CAPN14: variants seen among roughly 807,000 people sequenced by gnomAD.
CAPN14 encodes the protein calpain 14.
Under a neutral mutation model 101.3 loss-of-function variants are expected in CAPN14, and 94 were observed. That is an observed-to-expected ratio of 0.93 (90% CI 0.79 to 1.10). The LOEUF (loss-of-function observed/expected upper bound fraction) is 1.10, where lower values mean the gene tolerates loss of function less well. Ranked by LOEUF, CAPN14 falls within the 50% of genes least tolerant of loss-of-function variation. The probability of loss-of-function intolerance (pLI) is 0.00; values close to 1 mark genes in which losing one functional copy is unlikely to be tolerated. For synonymous variants in CAPN14, 338 were observed against 317.9 expected (o/e 1.06, Z -0.67); for missense variants, 837 against 828.4 (o/e 1.01, Z -0.13).
intron 2 of CAPN14, 93 bp downstream of exon 2, chr2:31,205,130 A>G: frequency 9.2e-7 from 1 of 1,085,904 alleles, no homozygotes; most frequent in South Asian, 1.4e-5. Flanking sequence ...AGTAGGAAAA[A>G]GCCTGTTTTT....
chr2:31,188,488 C>A (rs1400455249), intron 13 of CAPN14, 134 bp from the exon 14 acceptor site: 2 of 725,518 alleles, frequency 2.8e-6, no homozygotes, highest in African/African-American at 1.7e-5. Context: ...AGCTCTCACA[C>A]CTCACCTCCT....
At chr2:31,184,560 C>A (rs1205426846) in intron 16 of CAPN14, among the ~76,000 whole-genome samples, 1 of 152,182 alleles carries the variant, frequency 6.6e-6, no homozygotes, top group African/African-American at 2.4e-5. Flanking sequence ...TTCCAGTTTT[C>A]AGTCAACATT....
chr2:31,179,063 TATA>T (rs373382129), intron 17 of CAPN14, among the ~76,000 whole-genome samples: 31,421 of 138,004 alleles, frequency 0.23, 3,839 homozygotes, highest in Admixed American at 0.35. Flanking sequence ...TTGAGTTCTA[TATA>T]TATATATATA....
chr2:31,191,037 G>T (rs1259072750), intron 12 of CAPN14, among the ~76,000 whole-genome samples: 1 of 152,070 alleles, frequency 6.6e-6, no homozygotes, highest in African/African-American at 2.4e-5. Context: ...TTTATTTTGG[G>T]TTTCATAACC....
intron 12 of CAPN14, among the ~76,000 whole-genome samples, chr2:31,189,971 C>T (rs1352870995): frequency 6.9e-6 from 1 of 144,322 alleles, no homozygotes; most frequent in Non-Finnish European, 1.5e-5. Context: ...CCACGACCAC[C>T]TCCCCACCTA....
upstream of CAPN14, among the ~76,000 whole-genome samples, chr2:31,219,690 A>G (rs1283012135): frequency 6.6e-6 from 1 of 152,206 alleles, no homozygotes; most frequent in Non-Finnish European, 1.5e-5. Context: ...ACAGTGGAGT[A>G]TTGGAGAATG....
At chr2:31,179,369 C>T (rs929743375) in intron 17 of CAPN14, among the ~76,000 whole-genome samples, 3 of 152,072 alleles carry the variant, frequency 2.0e-5, no homozygotes, top group African/African-American at 7.2e-5. Flanking sequence ...TGGTTTCAAG[C>T]TGCATCCATG....
chr2:31,201,122 C>CATGTCTGT (rs796965483), intron 5 of CAPN14, among the ~76,000 whole-genome samples: 1 of 149,950 alleles, frequency 6.7e-6, no homozygotes, highest in African/African-American at 2.5e-5. Flanking sequence ...CGTGTGTGTG[C>CATGTCTGT]ATGTGTGTAT....
chr2:31,216,876 T>C (rs1249253178), intron 1 of CAPN14, among the ~76,000 whole-genome samples: 1 of 152,172 alleles, frequency 6.6e-6, no homozygotes, highest in Non-Finnish European at 1.5e-5. Context: ...CAGCTATCAT[T>C]TGAGGCAATA....
In CAPN14 at chr2:31,178,510, C is replaced by G; in HGVS notation, c.1779+1G>C. The G allele has an allele frequency of 6.4e-7, 1 of 1,550,538 alleles. No individual in the cohort carries two copies. The highest frequency in any genetic ancestry group is 8.7e-7 in the Non-Finnish European group (1 of 1,146,130). ...GAGGTGTGGTTAAGACTTGTTCTTACCTGAGAGAGCTTCAGCTGCTTCCAC... is the reference window on the plus strand; with the variant it reads ...GAGGTGTGGTTAAGACTTGTTCTTAGCTGAGAGAGCTTCAGCTGCTTCCAC... On this transcript the variant is annotated splice_donor_variant, in intron 18 of 21. Transcript: ENST00000403897. LOFTEE classifies it high-confidence loss of function.
chr2:31,220,009 C>T (rs6736278), upstream of CAPN14, among the ~76,000 whole-genome samples: 8,121 of 152,294 alleles, frequency 0.053, 236 homozygotes, highest in South Asian at 0.075. Context: ...CTTCCTTTCC[C>T]TCTAATCAAA....
intron 1 of CAPN14, among the ~76,000 whole-genome samples, chr2:31,210,751 T>TATA (rs376623751): frequency 0.043 from 6,486 of 152,268 alleles, 152 homozygotes; most frequent in African/African-American, 0.056. Flanking sequence ...TGAAAGTGAA[T>TATA]ATATTATACA....
At chr2:31,205,793 G>T (rs974668792) in intron 1 of CAPN14, among the ~76,000 whole-genome samples, 1 of 152,174 alleles carries the variant, frequency 6.6e-6, no homozygotes, top group Middle Eastern at 3.4e-3. Flanking sequence ...TGTCACGGGG[G>T]TCCCTTCTGC....
chr2:31,179,220 C>T (rs1008224556), intron 17 of CAPN14, among the ~76,000 whole-genome samples: 3 of 151,754 alleles, frequency 2.0e-5, no homozygotes, highest in Admixed American at 6.6e-5. Flanking sequence ...ATCTTTCCCC[C>T]TGCCCCCCAC....
chr2:31,222,274 G>A (rs573882908), upstream of CAPN14, among the ~76,000 whole-genome samples: 22 of 152,222 alleles, frequency 1.4e-4, no homozygotes, highest in African/African-American at 4.3e-4. Flanking sequence ...GGGCTTTTTC[G>A]AAAGAGGAAG....
intron 1 of CAPN14, among the ~76,000 whole-genome samples, 190 bp downstream of exon 1, chr2:31,217,266 T>A (rs757576332): frequency 4.1e-4 from 63 of 152,252 alleles, no homozygotes; most frequent in Non-Finnish European, 7.8e-4. Flanking sequence ...GTCACACTAA[T>A]AAGTGATGGC....
chr2:31,191,489 T>C, intron 11 of CAPN14, 82 bp from the exon 12 acceptor site: 12 of 1,412,644 alleles, frequency 8.5e-6, no homozygotes, highest in Non-Finnish European at 1.1e-5. Flanking sequence ...GGCTCTTTCA[T>C]AAACCGAAAC....
chr2:31,174,471 A>G lies in CAPN14; in HGVS notation c.*210T>C. The G allele has an allele frequency of 1.6e-6, 1 of 609,244 alleles. No homozygotes were observed. 37.7% of individuals were successfully genotyped at this position (609,244 alleles called of 1,614,324 possible). A position where few individuals can be genotyped will look rare whatever the true frequency, so the allele number is the denominator to read the frequency against. On this transcript the variant is annotated 3_prime_UTR_variant, in exon 22 of 22. Coordinates refer to ENST00000403897, the MANE Select transcript of CAPN14 (RefSeq NM_001145122.2). ...AGGATGGCTAGCTTTTACAAATCTG[A>G]TGTAATCTTTACTTCCTCCCTTCCC...
At chr2:31,229,265 G>T (rs2148710456) in intron 1 of CAPN14, among the ~76,000 whole-genome samples, 1 of 152,180 alleles carries the variant, frequency 6.6e-6, no homozygotes, top group Middle Eastern at 3.4e-3. Context: ...TCTAGTCCTT[G>T]GTTTGAATGA....
Sources: gnomAD v4.1 joint callset for allele counts (sites outside exome capture counted in the v4.1 genomes callset) on GRCh38, gnomAD v4.1.1 for gene constraint, MANE v1.5 for transcripts, NCBI Gene and HGNC (gene_info 2026-07-23, HGNC 2026-07-21) for gene names.